Variants in SLIT3 observed in about 807,000 individuals in gnomAD.
The protein encoded by SLIT3 is slit homolog 3 protein.
Under a neutral mutation model 184.0 loss-of-function variants are expected in SLIT3, and 68 were observed. The observed-to-expected ratio is 0.37, with a 90% CI of 0.30 to 0.45. The LOEUF (loss-of-function observed/expected upper bound fraction) is 0.45. Among genes scored for constraint, SLIT3 ranks in the 20% least tolerant of loss-of-function variants. SLIT3 has a pLI of 1.00. For synonymous variants in SLIT3, 831 were observed against 828.6 expected (o/e 1.00, Z -0.05); for missense variants, 1,707 against 2,026.0 (o/e 0.84, Z 3.02).
At chr5:169,156,488 C>A (rs297811) in intron 4 of SLIT3, among the ~76,000 whole-genome samples, 120,597 of 152,242 alleles carry the variant, frequency 0.79, 47,953 homozygotes, top group East Asian at 0.91. Context: ...GATCTGCAGA[C>A]GTATTCCCTG....
At chr5:169,229,853 T>A (rs977967682) in intron 3 of SLIT3, among the ~76,000 whole-genome samples, 2 of 152,068 alleles carry the variant, frequency 1.3e-5, no homozygotes, top group East Asian at 3.9e-4. Flanking sequence ...AACCTGAGCA[T>A]AGGCACCCAG....
chr5:169,196,412 G>A (rs1247875277), intron 3 of SLIT3, among the ~76,000 whole-genome samples: 2 of 152,166 alleles, frequency 1.3e-5, no homozygotes, highest in Admixed American at 1.3e-4. Flanking sequence ...GGGTTACAGT[G>A]AGTCTTAAAT....
intron 4 of SLIT3, among the ~76,000 whole-genome samples, chr5:169,085,357 TC>T (rs2113178876): frequency 6.6e-6 from 1 of 152,296 alleles, no homozygotes; most frequent in South Asian, 2.1e-4. Context: ...TTTTATGACA[TC>T]TTCTGACCCA....
intron 17 of SLIT3, among the ~76,000 whole-genome samples, 156 bp downstream of exon 17, chr5:168,753,708 G>A (rs551729301): frequency 6.6e-6 from 1 of 152,272 alleles, no homozygotes; most frequent in African/African-American, 2.4e-5. Flanking sequence ...CCCATCCAAG[G>A]CTCCAGAATG....
At chr5:169,233,661 T>C (rs1184269828) in intron 3 of SLIT3, among the ~76,000 whole-genome samples, 5 of 152,222 alleles carry the variant, frequency 3.3e-5, no homozygotes, top group Admixed American at 3.3e-4. Context: ...AGAATTCTGA[T>C]AGTTTATGTG....
At chr5:169,082,185 G>GCCAT (rs1291801816) in intron 4 of SLIT3, among the ~76,000 whole-genome samples, 1 of 152,182 alleles carries the variant, frequency 6.6e-6, no homozygotes, top group African/African-American at 2.4e-5. Context: ...TCGAGTAGAA[G>GCCAT]CCATGTGGAA....
At chr5:168,738,851 T>C (rs1040430621) in intron 20 of SLIT3, among the ~76,000 whole-genome samples, 4 of 140,316 alleles carry the variant, frequency 2.9e-5, no homozygotes, top group Non-Finnish European at 6.0e-5. Flanking sequence ...GGCAGGAGAA[T>C]GGCGTGAACC....
At chr5:169,142,036 C>T (rs924421411) in intron 4 of SLIT3, among the ~76,000 whole-genome samples, 5 of 146,140 alleles carry the variant, frequency 3.4e-5, no homozygotes, top group Non-Finnish European at 3.0e-5. Flanking sequence ...GGCGGCAGAG[C>T]GAGACTCCTA....
At chr5:169,034,778 C>T (rs974821105) in intron 4 of SLIT3, among the ~76,000 whole-genome samples, 5 of 149,298 alleles carry the variant, frequency 3.3e-5, no homozygotes, top group African/African-American at 1.2e-4. Context: ...GAGTCTTGCT[C>T]TGTCACCCAG....
intron 10 of SLIT3, chr5:168,791,339 T>C (rs1012230058): frequency 4.6e-5 from 7 of 152,236 alleles, no homozygotes; most frequent in African/African-American, 1.4e-4. Flanking sequence ...AGTCCACAAC[T>C]AGACTTCTGG....
intron 4 of SLIT3, among the ~76,000 whole-genome samples, chr5:168,939,112 C>A (rs1163335257): frequency 1.3e-5 from 2 of 152,214 alleles, no homozygotes; most frequent in Non-Finnish European, 1.5e-5. Flanking sequence ...TGCGAGGAAC[C>A]GGAAACACAG....
chr5:168,772,414 G>A, intron 14 of SLIT3: 1 of 262,466 alleles, frequency 3.8e-6, no homozygotes, highest in Admixed American at 5.1e-5. Flanking sequence ...TTGCCCTTTG[G>A]GGAGCACACT....
chr5:168,720,324 T>C (rs7715777), intron 23 of SLIT3: 69,674 of 152,042 alleles, frequency 0.46, 16,034 homozygotes, highest in East Asian at 0.56. Flanking sequence ...CAAATGATGC[T>C]GAGGAAAGAG....
intron 4 of SLIT3, among the ~76,000 whole-genome samples, chr5:168,941,501 C>T (rs919857813): frequency 6.6e-6 from 1 of 152,094 alleles, no homozygotes; most frequent in African/African-American, 2.4e-5. Context: ...GTTCAAGGAC[C>T]TATAGCTGAT....
At chr5:168,805,106 G>A (rs1756910368) in intron 9 of SLIT3, among the ~76,000 whole-genome samples, 2 of 152,152 alleles carry the variant, frequency 1.3e-5, no homozygotes. Context: ...TTTGTTGCTT[G>A]TTTATCCCCT....
intron 5 of SLIT3, among the ~76,000 whole-genome samples, chr5:168,857,542 T>C (rs1581151588): frequency 6.6e-6 from 1 of 152,146 alleles, no homozygotes. Flanking sequence ...AGGCATGAAA[T>C]AGATGATTTC....
In SLIT3 at chr5:169,122,834, G is replaced by A. The variant is rs1760934681; in HGVS notation, c.413+70645C>T. Among the ~76,000 whole-genome samples, 4 of 152,052 alleles carry A rather than the reference G, an allele frequency of 2.6e-5. 1 individual carries two copies. In the South Asian group the frequency reaches 8.3e-4, roughly 32 times the overall value. ...CCATCCCTAGGAAATATGGATTTAG[G>A]CACATAATAGGATAGTAGAAAGGTC... On this transcript the variant is annotated intron_variant, in intron 4 of 35. Transcript: ENST00000519560.
chr5:168,715,605 G>C (rs1460138609), intron 23 of SLIT3, among the ~76,000 whole-genome samples: 1 of 152,220 alleles, frequency 6.6e-6, no homozygotes, highest in Non-Finnish European at 1.5e-5. Context: ...GTCTTAAATA[G>C]AGAAAGACTG....
intron 4 of SLIT3, among the ~76,000 whole-genome samples, chr5:169,071,418 TG>T (rs1758540878): frequency 6.6e-6 from 1 of 152,218 alleles, no homozygotes; most frequent in Admixed American, 6.5e-5. Flanking sequence ...ACTCTTATTT[TG>T]GGCAAAATAA....
Sources: allele counts gnomAD v4.1 joint callset (sites outside exome capture counted in the v4.1 genomes callset), GRCh38; gene constraint gnomAD v4.1.1; transcripts MANE v1.5; gene names NCBI Gene and HGNC (gene_info 2026-07-23, HGNC 2026-07-21).